ZNF425: variants seen among roughly 807,000 people sequenced by gnomAD.
The protein encoded by ZNF425 is zinc finger protein 425.
Under a neutral mutation model 17.0 loss-of-function variants are expected in ZNF425, and 21 were observed. The ratio of observed to expected loss-of-function variants is 1.23; its 90% CI spans 0.88 to 1.78. The LOEUF is 1.78. ZNF425 is among the 40% of genes most tolerant of loss of function. The probability of loss-of-function intolerance (pLI) is 0.00; values close to 1 mark genes in which losing one functional copy is unlikely to be tolerated. For synonymous variants in ZNF425, 433 were observed against 384.1 expected, an observed-to-expected ratio of 1.13 and a Z score of -1.49; for missense variants, 868 against 967.3, an observed-to-expected ratio of 0.90 and a Z score of 1.36.
chr7:149,124,820 C>T (rs1260943000), intron 1 of ZNF425, among the ~76,000 whole-genome samples: 3 of 152,200 alleles, frequency 2.0e-5, no homozygotes, highest in African/African-American at 7.2e-5. Context: ...GGATTACTGG[C>T]GTGAGCCACC....
At chr7:149,105,840 C>T (rs1166273342) in intron 3 of ZNF425, among the ~76,000 whole-genome samples, 3 of 151,314 alleles carry the variant, frequency 2.0e-5, no homozygotes, top group South Asian at 2.1e-4. Flanking sequence ...TTAGTAGAGA[C>T]GGGGTTTCAC....
intron 2 of ZNF425, among the ~76,000 whole-genome samples, chr7:149,112,972 C>T (rs1826199186): frequency 6.9e-6 from 1 of 144,040 alleles, no homozygotes. Flanking sequence ...GCCCCGTGAC[C>T]CTTTTTTTTT....
At position 149,104,123 on chromosome 7, in the gene ZNF425, G is replaced by T. The variant is rs1191022304; in HGVS notation, c.1748C>A (p.Ala583Glu). 1 of 1,612,360 alleles carries T rather than the reference G, an allele frequency of 6.2e-7. No homozygotes were observed. The highest frequency in any genetic ancestry group is 1.1e-5 in the South Asian group (1 of 91,064). The stretch of plus-strand genomic sequence containing the variant: ...GTAGGTCTTGTCACACTCACCGCAC[G>T]CGAAGGGCTTCTCGTCCCTGTGCAT... ...QRMHRDEKPF[A>E]CGECDKTYTH... is the part of the protein sequence containing the mutation. The change falls in exon 4 of 4, where the codon GCG (alanine) becomes GAG (glutamate). Residue 583 changes from alanine to glutamate, a missense_variant. By Grantham distance (107) the Ala-to-Glu change is moderately radical. Around this residue, in one of 5 missense-constraint regions of ZNF425, gnomAD observed 437 missense variants for 444.2 expected, o/e 0.98. Transcript: ENST00000378061. This position sits in a 1 kb window ranked among gnomAD's most constrained non-coding sequence, Gnocchi z 4.3.
chr7:149,118,989 C>G (rs10435245), intron 1 of ZNF425, among the ~76,000 whole-genome samples: 83,473 of 151,950 alleles, frequency 0.55, 26,207 homozygotes, highest in East Asian at 0.9. Context: ...AATAATTATA[C>G]ATTCACAAGA....
chr7:149,112,959 C>T (rs925354237), intron 2 of ZNF425, among the ~76,000 whole-genome samples: 3 of 150,770 alleles, frequency 2.0e-5, no homozygotes, highest in African/African-American at 7.3e-5. Context: ...GCCACCGCGC[C>T]CAGCCCCGTG....
intron 1 of ZNF425, among the ~76,000 whole-genome samples, chr7:149,120,297 G>A (rs1240842140): frequency 1.3e-5 from 2 of 152,182 alleles, no homozygotes; most frequent in African/African-American, 4.8e-5. Context: ...CAGGAGAATT[G>A]CTTGAACCTG....
chr7:149,119,847 G>A (rs75247887), intron 1 of ZNF425, among the ~76,000 whole-genome samples: 23 of 152,156 alleles, frequency 1.5e-4, no homozygotes, highest in South Asian at 4.2e-4. Flanking sequence ...TTTACATAGC[G>A]TTTATATTGT....
chr7:149,124,023 C>T (rs1310619097), intron 1 of ZNF425, among the ~76,000 whole-genome samples: 5 of 139,122 alleles, frequency 3.6e-5, no homozygotes, highest in Non-Finnish European at 7.8e-5. Context: ...AATTTTTTGT[C>T]TTTTTAGTAG....
chr7:149,112,164 T>G lies in ZNF425; in HGVS notation c.277A>C (p.Lys93Gln), dbSNP rs1038289731. Residue 93 changes from lysine (K) to glutamine (Q), a missense_variant, in exon 3 of 4, where the codon AAG (lysine) becomes CAG (glutamine). By Grantham distance (53) the Lys-to-Gln change is moderately conservative (BLOSUM62 1). Around this residue, in one of 5 missense-constraint regions of ZNF425, gnomAD observed 179 missense variants for 216.3 expected, o/e 0.83. Transcript: ENST00000378061. ...SPPTDEQLNM[K>Q]NTGKLLCFDD... ...AAACATAGCAACTTTCCAGTATTCT[T>G]CATGTTCAACTGTTCATCAGTAGGA... 6.2e-7 allele frequency: 1 copy of G among 1,614,016 alleles called. No individual in the cohort carries two copies. Among genetic ancestry groups the G allele is most frequent in the African/African-American group, 1.3e-5 (1 of 75,060 alleles).
intron 1 of ZNF425, 193 bp downstream of exon 1, chr7:149,126,003 C>A: frequency 8.2e-7 from 1 of 1,213,946 alleles, no homozygotes; most frequent in Non-Finnish European, 1.2e-6. Context: ...AGCTTTTCCC[C>A]AGGTCAATTC....
chr7:149,117,944 G>A (rs1042449504), intron 2 of ZNF425, among the ~76,000 whole-genome samples: 1 of 152,056 alleles, frequency 6.6e-6, no homozygotes, highest in South Asian at 2.1e-4. Context: ...GAGCCACCGC[G>A]CCTGGCCAGA....
intron 1 of ZNF425, among the ~76,000 whole-genome samples, chr7:149,119,571 C>T (rs1826319040): frequency 2.0e-5 from 3 of 152,116 alleles, no homozygotes. Flanking sequence ...AACACAACTA[C>T]AGTCAGCCTT....
chr7:149,122,653 GGTTTTGTAGCTGT>G (rs1826378059), intron 1 of ZNF425, among the ~76,000 whole-genome samples: 1 of 152,062 alleles, frequency 6.6e-6, no homozygotes, highest in Non-Finnish European at 1.5e-5. Flanking sequence ...ACCTTCTACA[GGTTTTGTAGCTGT>G]GTTTTACATT....
intron 1 of ZNF425, among the ~76,000 whole-genome samples, chr7:149,122,431 G>A (rs910742008): frequency 1.4e-4 from 22 of 151,980 alleles, no homozygotes; most frequent in Admixed American, 8.5e-4. Flanking sequence ...TCTTTATGTA[G>A]TCTAGACAGG....
intron 1 of ZNF425, among the ~76,000 whole-genome samples, chr7:149,123,706 A>C (rs998380471): frequency 7.0e-6 from 1 of 142,596 alleles, no homozygotes; most frequent in Non-Finnish European, 1.5e-5. Context: ...TAATTTTTCT[A>C]TTTTTAGTAG....
intron 3 of ZNF425, 64 bp from the exon 4 acceptor site, chr7:149,105,630 C>A (rs1216034820): frequency 8.7e-7 from 1 of 1,154,704 alleles, no homozygotes; most frequent in Admixed American, 3.2e-5. Flanking sequence ...GGTTCAAGGA[C>A]TGTCTTTTAA....
intron 1 of ZNF425, among the ~76,000 whole-genome samples, chr7:149,123,125 C>G (rs1394379256): frequency 6.6e-6 from 1 of 152,200 alleles, no homozygotes; most frequent in African/African-American, 2.4e-5. Context: ...ATGATTGGCT[C>G]ATGGACCATT....
Position 149,104,452 on chromosome 7 carries a change from G to A in ZNF425, c.1419C>T (p.Ala473=), listed in dbSNP as rs541635970. 3.1e-6 allele frequency: 5 copies of A among 1,600,422 alleles called. No homozygotes were observed. The highest frequency in any genetic ancestry group is 4.3e-6 in the Non-Finnish European group (5 of 1,174,182). The change falls in exon 4 of 4, where the codon GCC becomes GCT. Residue 473 remains alanine, a synonymous_variant. Transcript: ENST00000378061. The surrounding 1 kb of genome is among the most constrained non-coding windows in gnomAD (Gnocchi z 4.3). ...LHSEQKPFPC[A]ECGKRFTRPS... The stretch of plus-strand genomic sequence containing the variant: ...GCCGCGTGAAGCGCTTGCCGCACTC[G>A]GCGCAGGGGAAGGGCTTTTGCTCGC...
intron 1 of ZNF425, among the ~76,000 whole-genome samples, chr7:149,122,416 T>TGA (rs1826373167): frequency 6.6e-6 from 1 of 152,058 alleles, no homozygotes; most frequent in African/African-American, 2.4e-5. Flanking sequence ...CTTGCCTAGC[T>TGA]GAGCTCTTTA....
Sources: allele counts gnomAD v4.1 joint callset (sites outside exome capture counted in the v4.1 genomes callset), GRCh38; gene constraint gnomAD v4.1.1; regional missense constraint gnomAD v4.1.1; non-coding constraint Gnocchi (gnomAD v3.1); transcripts MANE v1.5; gene names NCBI Gene and HGNC (gene_info 2026-07-23, HGNC 2026-07-21).